Variants in NEGR1 observed in about 807,000 individuals in gnomAD.
NEGR1 encodes IgLON family member 4.
A neutral mutation model predicts 40.9 loss-of-function variants in NEGR1; 10 were observed. The observed-to-expected ratio is 0.24, with a 90% CI of 0.15 to 0.42. The LOEUF (loss-of-function observed/expected upper bound fraction) is 0.42. NEGR1 is among the 10% of genes least tolerant of loss of function. The pLI is 1.00. For missense variants in NEGR1, 352 were observed against 438.9 expected, an observed-to-expected ratio of 0.80 and a Z score of 1.77; for synonymous variants, 185 against 166.8, an observed-to-expected ratio of 1.11 and a Z score of -0.84.
chr1:71,640,992 C>A (rs1177468564), intron 4 of NEGR1, among the ~76,000 whole-genome samples: 2 of 152,150 alleles, frequency 1.3e-5, no homozygotes, highest in African/African-American at 4.8e-5. Flanking sequence ...GAAATTCCTA[C>A]AAAATTTTTA....
intron 3 of NEGR1, among the ~76,000 whole-genome samples, chr1:71,746,558 C>G (rs1655388625): frequency 6.6e-6 from 1 of 150,596 alleles, no homozygotes; most frequent in South Asian, 2.1e-4. Context: ...TTTGAGAAAT[C>G]TTCTTTTTTT....
intron 6 of NEGR1, among the ~76,000 whole-genome samples, chr1:71,550,560 C>G (rs1013568241): frequency 6.6e-6 from 1 of 151,486 alleles, no homozygotes; most frequent in African/African-American, 2.4e-5. Flanking sequence ...CACTCTCATT[C>G]AGGCTGTAAA....
At chr1:72,008,147 G>A (rs1222388880) in intron 1 of NEGR1, among the ~76,000 whole-genome samples, 1 of 152,018 alleles carries the variant, frequency 6.6e-6, no homozygotes, top group Non-Finnish European at 1.5e-5. Flanking sequence ...GTGTTCATTG[G>A]TGTTTTTAAT....
chr1:71,956,072 G>A (rs1646116918), intron 1 of NEGR1, among the ~76,000 whole-genome samples: 1 of 152,098 alleles, frequency 6.6e-6, no homozygotes, highest in Non-Finnish European at 1.5e-5. Flanking sequence ...ATTTTTAAAA[G>A]GCAAGGCTAA....
Position 71,851,994 on chromosome 1 carries a change from C to G in NEGR1, c.410-75697G>C, listed in dbSNP as rs140380253. ...CATGTGTATTCAGGAAATAGCATAG[C>G]AAAGTATAAAGGGCACAGACTTTGG... On this transcript the variant is annotated intron_variant, in intron 2 of 6. Transcript: ENST00000357731. Among the ~76,000 whole-genome samples, 480 of 152,136 alleles carry G rather than the reference C, an allele frequency of 3.2e-3. 3 individuals carry two copies. The highest frequency in any genetic ancestry group is 0.02 in the Middle Eastern group (6 of 294).
intron 2 of NEGR1, among the ~76,000 whole-genome samples, chr1:71,781,332 T>C (rs918462782): frequency 1.3e-5 from 2 of 152,180 alleles, no homozygotes; most frequent in African/African-American, 4.8e-5. Flanking sequence ...AATATTAACT[T>C]GCATGACCTG....
At chr1:71,591,324 G>T (rs1649492181) in intron 6 of NEGR1, among the ~76,000 whole-genome samples, 1 of 152,090 alleles carries the variant, frequency 6.6e-6, no homozygotes, top group African/African-American at 2.4e-5. Context: ...GATTGCCAGA[G>T]TAAAACAAAT....
At chr1:71,499,082 A>G (rs905368518) in intron 6 of NEGR1, among the ~76,000 whole-genome samples, 6 of 152,150 alleles carry the variant, frequency 3.9e-5, no homozygotes, top group African/African-American at 1.4e-4. Flanking sequence ...CTCTCTTTTT[A>G]AAAAATTTAA....
intron 5 of NEGR1, among the ~76,000 whole-genome samples, chr1:71,596,107 A>C (rs1649704386): frequency 6.7e-6 from 1 of 149,632 alleles, no homozygotes; most frequent in South Asian, 2.1e-4. Context: ...TATGACATCC[A>C]TTTCTTCAGC....
intron 1 of NEGR1, among the ~76,000 whole-genome samples, chr1:72,003,305 A>G (rs570689610): frequency 2.1e-3 from 316 of 151,202 alleles, no homozygotes; most frequent in Non-Finnish European, 3.8e-3. Flanking sequence ...GTAAATATCA[A>G]CATTTTTGTA....
At position 71,396,491 on chromosome 1, in the gene NEGR1, G is replaced by C. The variant is rs1239603591; in HGVS notation, c.*10955C>G. 1 of 152,166 alleles carries C rather than the reference G, an allele frequency of 6.6e-6. No homozygotes were observed. The highest frequency in any genetic ancestry group is 2.4e-5 in the African/African-American group (1 of 41,430). 9.4% of individuals were successfully genotyped at this position (152,166 alleles called of 1,614,324 possible). ...AAATTTCCAAAATCAACAAATAACAGGTTCTTCTTGAAATGATACTAGCTT... is the reference window on the plus strand; with the variant it reads ...AAATTTCCAAAATCAACAAATAACACGTTCTTCTTGAAATGATACTAGCTT... On this transcript the variant is annotated 3_prime_UTR_variant, in exon 7 of 7. Transcript: ENST00000357731.
At chr1:71,861,517 T>C (rs1659947025) in intron 2 of NEGR1, among the ~76,000 whole-genome samples, 1 of 152,068 alleles carries the variant, frequency 6.6e-6, no homozygotes. Context: ...TTCAGACTTA[T>C]TTCTTTCTCA....
intron 6 of NEGR1, among the ~76,000 whole-genome samples, chr1:71,573,958 T>A (rs1478212375): frequency 6.6e-6 from 1 of 152,210 alleles, no homozygotes; most frequent in East Asian, 1.9e-4. Flanking sequence ...AGACACTCCT[T>A]TATGGGTCTC....
chr1:72,002,673 G>A (rs1646568032), intron 1 of NEGR1, among the ~76,000 whole-genome samples: 2 of 151,966 alleles, frequency 1.3e-5, no homozygotes, highest in African/African-American at 4.8e-5. Context: ...TATAACATGA[G>A]GAAACTATAT....
chr1:72,108,293 C>G (rs1649214196), intron 1 of NEGR1, among the ~76,000 whole-genome samples: 1 of 151,522 alleles, frequency 6.6e-6, no homozygotes. Context: ...GTCATTAACT[C>G]TTAGTATTCT....
intron 3 of NEGR1, among the ~76,000 whole-genome samples, chr1:71,748,978 A>G (rs1655477109): frequency 6.6e-6 from 1 of 152,204 alleles, no homozygotes; most frequent in Non-Finnish European, 1.5e-5. Context: ...GGCTCTTCAT[A>G]AATCAAATAA....
chr1:71,756,978 T>G (rs1570305155), intron 3 of NEGR1, among the ~76,000 whole-genome samples: 1 of 152,234 alleles, frequency 6.6e-6, no homozygotes, highest in African/African-American at 2.4e-5. Context: ...ATTTATAAAT[T>G]TATGCAATAA....
intron 1 of NEGR1, among the ~76,000 whole-genome samples, chr1:72,062,492 A>G (rs1281473163): frequency 6.6e-6 from 1 of 152,016 alleles, no homozygotes; most frequent in Admixed American, 6.6e-5. Flanking sequence ...TTAAATGCCC[A>G]TCACCTAGAA....
intron 2 of NEGR1, among the ~76,000 whole-genome samples, chr1:71,867,128 G>A (rs893606697): frequency 1.3e-5 from 2 of 152,150 alleles, no homozygotes; most frequent in Non-Finnish European, 2.9e-5. Flanking sequence ...TGAGGTGGGC[G>A]GATCACTTGA....
Sources: allele counts gnomAD v4.1 joint callset (sites outside exome capture counted in the v4.1 genomes callset), GRCh38; gene constraint gnomAD v4.1.1; transcripts MANE v1.5; gene names NCBI Gene and HGNC (gene_info 2026-07-23, HGNC 2026-07-21).